Variants in NFIB observed in about 807,000 individuals in gnomAD.
The protein encoded by NFIB is nuclear factor 1 B-type.
In NFIB, 11 loss-of-function variants were observed where a neutral mutation model predicts 61.5. That is an observed-to-expected ratio of 0.18 (90% CI 0.11 to 0.30). The LOEUF (loss-of-function observed/expected upper bound fraction) is 0.30, where lower values mean the gene tolerates loss of function less well. Among genes scored for constraint, NFIB ranks in the 10% least tolerant of loss-of-function variants. The probability of loss-of-function intolerance (pLI) is 1.00; values close to 1 mark genes in which losing one functional copy is unlikely to be tolerated. For missense variants in NFIB, 471 were observed against 608.9 expected (o/e 0.77, Z 2.38); for synonymous variants, 260 against 216.5 (o/e 1.20, Z -1.76).
rs1018334448 is a variant in NFIB at position 14,257,479 on chromosome 9, G to C, written c.562+49510C>G. ...AGTAATAGAAAGATAATTCTGGACAGGTGCAGTGGCTCACACCTGTAATGC... is the reference window on the plus strand; with the variant it reads ...AGTAATAGAAAGATAATTCTGGACACGTGCAGTGGCTCACACCTGTAATGC... On this transcript the variant is annotated intron_variant, in intron 2 of 10. Coordinates refer to ENST00000380953, the MANE Select transcript of NFIB (RefSeq NM_001190737.2). Among the ~76,000 whole-genome samples the C allele has an allele frequency of 3.3e-5, 5 of 152,210 alleles. No homozygotes were observed. In the South Asian group the frequency reaches 1.0e-3, roughly 32 times the overall value.
chr9:14,257,597 A>C (rs2132198503), intron 2 of NFIB, among the ~76,000 whole-genome samples: 1 of 152,262 alleles, frequency 6.6e-6, no homozygotes, highest in Non-Finnish European at 1.5e-5. Context: ...TCTTCTAAAA[A>C]TACAAAAAAT....
chr9:14,458,526 G>T, the NFIB span, among the ~76,000 whole-genome samples: 1 of 152,188 alleles, frequency 6.6e-6, no homozygotes, highest in African/African-American at 2.4e-5. Context: ...GGGCAATCAT[G>T]CAGGAGAAGG....
intron 1 of NFIB, among the ~76,000 whole-genome samples, chr9:14,311,865 A>AAAAT (rs2060295349): frequency 6.6e-6 from 1 of 152,200 alleles, no homozygotes; most frequent in African/African-American, 2.4e-5. Flanking sequence ...TCACGGTGTA[A>AAAAT]AAATAATATC....
the NFIB span, among the ~76,000 whole-genome samples, chr9:14,427,717 G>T: frequency 6.6e-6 from 1 of 152,094 alleles, no homozygotes; most frequent in Non-Finnish European, 1.5e-5. Flanking sequence ...ATGTGAACAG[G>T]ATGCAGGAGT....
the NFIB span, among the ~76,000 whole-genome samples, chr9:14,519,023 T>C: frequency 6.6e-6 from 1 of 152,150 alleles, no homozygotes; most frequent in Non-Finnish European, 1.5e-5. Context: ...CTTTGATGGG[T>C]CCTTTTGGAC....
intron 1 of NFIB, among the ~76,000 whole-genome samples, chr9:14,386,086 C>G (rs763226470): frequency 6.6e-6 from 1 of 152,042 alleles, no homozygotes; most frequent in Non-Finnish European, 1.5e-5. Flanking sequence ...CTCGGTGACA[C>G]GGTGGAATTT....
At chr9:14,265,812 G>A (rs950271688) in intron 2 of NFIB, among the ~76,000 whole-genome samples, 1 of 152,188 alleles carries the variant, frequency 6.6e-6, no homozygotes, top group African/African-American at 2.4e-5. Context: ...GTAGTGGAGA[G>A]AAAGAGTTCA....
intron 2 of NFIB, among the ~76,000 whole-genome samples, chr9:14,293,478 GC>G (rs1198964668): frequency 6.6e-6 from 1 of 152,156 alleles, no homozygotes; most frequent in Non-Finnish European, 1.5e-5. Context: ...TAATAAAGAA[GC>G]CCATGGTGAG....
intron 2 of NFIB, among the ~76,000 whole-genome samples, chr9:14,280,981 A>G (rs2058336437): frequency 1.3e-5 from 2 of 152,200 alleles, no homozygotes; most frequent in South Asian, 2.1e-4. Context: ...ATGGCAATAC[A>G]TAAGTTACAT....
chr9:14,472,024 C>A, the NFIB span, among the ~76,000 whole-genome samples: 4 of 152,140 alleles, frequency 2.6e-5, no homozygotes, highest in African/African-American at 9.7e-5. Context: ...TTAGACTGCC[C>A]TTGGCACTCC....
intron 1 of NFIB, among the ~76,000 whole-genome samples, chr9:14,343,295 C>A (rs976642490): frequency 1.3e-5 from 2 of 152,108 alleles, no homozygotes. Context: ...TGCCAGAGAA[C>A]CCCCTACTTT....
chr9:14,204,512 C>T, intron 2 of NFIB: 1 of 1,202,660 alleles, frequency 8.3e-7, no homozygotes, highest in South Asian at 1.2e-5. Flanking sequence ...GGACCTGGAC[C>T]ACCAAACAGC....
chr9:14,369,889 A>C (rs1246832268), intron 1 of NFIB, among the ~76,000 whole-genome samples: 2 of 152,174 alleles, frequency 1.3e-5, no homozygotes, highest in Non-Finnish European at 1.5e-5. Flanking sequence ...TTAGACTCTC[A>C]TAACCTAGAG....
At chr9:14,515,086 G>A in the NFIB span, among the ~76,000 whole-genome samples, 1 of 152,100 alleles carries the variant, frequency 6.6e-6, no homozygotes, top group African/African-American at 2.4e-5. Flanking sequence ...TTATTGCACT[G>A]CAGCTAGAAT....
At chr9:14,314,149 T>C, upstream of NFIB, 1 of 744,074 alleles carries the variant, frequency 1.3e-6, no homozygotes, top group Non-Finnish European at 1.5e-6. Flanking sequence ...TGCGCGCGGG[T>C]GGCGGGGCGC....
intron 1 of NFIB, among the ~76,000 whole-genome samples, chr9:14,346,610 G>A (rs780002468): frequency 3.3e-5 from 5 of 152,186 alleles, no homozygotes; most frequent in African/African-American, 4.8e-5. Context: ...CAACGTTCCC[G>A]TTGGCTTGCT....
chr9:14,438,391 G>A, the NFIB span, among the ~76,000 whole-genome samples: 2 of 152,296 alleles, frequency 1.3e-5, no homozygotes, highest in African/African-American at 4.8e-5. Flanking sequence ...GATCCTGAGA[G>A]AGCATGAAAC....
intron 2 of NFIB, among the ~76,000 whole-genome samples, chr9:14,235,720 C>T (rs1368504129): frequency 6.6e-6 from 1 of 152,110 alleles, no homozygotes; most frequent in East Asian, 1.9e-4. Flanking sequence ...GAATGAACAA[C>T]CTTTTGTTTT....
At chr9:14,351,302 C>T (rs1373807548) in intron 1 of NFIB, among the ~76,000 whole-genome samples, 1 of 152,188 alleles carries the variant, frequency 6.6e-6, no homozygotes, top group African/African-American at 2.4e-5. Context: ...AGTAATTTGT[C>T]CAAAGGGCAG....
Sources: allele counts gnomAD v4.1 joint callset (sites outside exome capture counted in the v4.1 genomes callset), GRCh38; gene constraint gnomAD v4.1.1; transcripts MANE v1.5; gene names NCBI Gene and HGNC (gene_info 2026-07-23, HGNC 2026-07-21).